The following TTBK2 variants were observed in gnomAD, a reference collection of about 807,000 sequenced individuals.
The protein encoded by TTBK2 is tau-tubulin kinase 2.
In TTBK2, 28 loss-of-function variants were observed where a neutral mutation model predicts 110.8. That is an observed-to-expected ratio of 0.25 (90% CI 0.19 to 0.35). The LOEUF (loss-of-function observed/expected upper bound fraction) is 0.35, where lower values mean the gene tolerates loss of function less well. Among genes scored for constraint, TTBK2 ranks in the 10% least tolerant of loss-of-function variants. The pLI is 1.00. For synonymous variants in TTBK2, 532 were observed against 527.3 expected, an observed-to-expected ratio of 1.01 and a Z score of -0.12; for missense variants, 1,369 against 1,500.3, an observed-to-expected ratio of 0.91 and a Z score of 1.45.
chr15:42,746,552 C>T (rs60807675), intron 14 of TTBK2, among the ~76,000 whole-genome samples: 5,017 of 152,232 alleles, frequency 0.033, 230 homozygotes, highest in East Asian at 0.13. Flanking sequence ...TATTCGTTCC[C>T]TTCCTCCTAT....
At chr15:42,783,661 G>A in intron 10 of TTBK2, 26 bp from the exon 11 acceptor site, 1 of 1,569,004 alleles carries the variant, frequency 6.4e-7, no homozygotes, top group South Asian at 1.1e-5. Context: ...GAAAAAAAAG[G>A]CAAGAATCAA....
rs1189956483 is a variant in TTBK2, at chr15:42,875,318, G to A, written c.70-2560C>T. ...ACAGAGGCAGTTTAGTATGATTGGG[G>A]TACACAGATTACAAGAAGAATAGAG... On this transcript the variant is annotated intron_variant, in intron 2 of 14. Transcript: ENST00000267890. 3.3e-5 allele frequency among the ~76,000 whole-genome samples: 5 copies of A among 152,140 alleles called. No individual in the cohort carries two copies. In the East Asian group the frequency reaches 7.7e-4, roughly 23 times the overall value.
chr15:42,800,935 C>T (rs1461597847), intron 9 of TTBK2: 2 of 719,876 alleles, frequency 2.8e-6, no homozygotes, highest in African/African-American at 1.7e-5. Flanking sequence ...TCTGCGGCAG[C>T]CGCAGGAGGG....
chr15:42,814,337 C>G (rs566002333), intron 7 of TTBK2, among the ~76,000 whole-genome samples: 1 of 152,076 alleles, frequency 6.6e-6, no homozygotes, highest in Non-Finnish European at 1.5e-5. Context: ...CCAGCACTTT[C>G]GGGGGCCAAG....
Position 42,744,530 on chromosome 15 carries a change from T to G in TTBK2, c.*1265A>C, listed in dbSNP as rs1393957808. ...GCCCATTTTAAAAGTCTGGTAGACT[T>G]TCATTTGCCTGATTCCTATTAGAAG... On this transcript the variant is annotated 3_prime_UTR_variant, in exon 15 of 15. Transcript: ENST00000267890. 6.6e-6 allele frequency: 1 copy of G among 152,188 alleles called. No individual in the cohort carries two copies. The highest frequency in any genetic ancestry group is 1.5e-5 in the Non-Finnish European group (1 of 68,024). 9.4% of individuals were successfully genotyped at this position (152,188 alleles called of 1,614,324 possible).
intron 6 of TTBK2, 110 bp downstream of exon 6, chr15:42,827,818 C>A: frequency 2.3e-6 from 2 of 879,952 alleles, no homozygotes; most frequent in South Asian, 3.1e-5. Context: ...GTATATGCCA[C>A]TTCTTAGATA....
chr15:42,755,836 CATG>C (rs1293550708), intron 13 of TTBK2, among the ~76,000 whole-genome samples: 1 of 152,024 alleles, frequency 6.6e-6, no homozygotes, highest in Non-Finnish European at 1.5e-5. Context: ...CAAAAGTGAC[CATG>C]ATAAGAAAAG....
chr15:42,873,419 G>C (rs1030225506), intron 2 of TTBK2, among the ~76,000 whole-genome samples: 5 of 152,014 alleles, frequency 3.3e-5, no homozygotes, highest in Non-Finnish European at 5.9e-5. Flanking sequence ...GGGTGACAGA[G>C]AGAGACTCCA....
intron 6 of TTBK2, among the ~76,000 whole-genome samples, chr15:42,818,162 A>T (rs1172538977): frequency 6.6e-6 from 1 of 152,120 alleles, no homozygotes; most frequent in Non-Finnish European, 1.5e-5. Flanking sequence ...AGCAGCCTCA[A>T]ATTCCTGGGC....
chr15:42,867,667 G>A (rs1894429272), intron 3 of TTBK2, among the ~76,000 whole-genome samples: 1 of 152,124 alleles, frequency 6.6e-6, no homozygotes, highest in African/African-American at 2.4e-5. Context: ...CCAAAATCCA[G>A]AACACTGACA....
chr15:42,878,636 T>C lies in TTBK2; in HGVS notation c.-19A>G, dbSNP rs768097843. On this transcript the variant is annotated 5_prime_UTR_variant, in exon 2 of 15. Transcript: ENST00000267890. ...CACTCATTGCAATACACTGATATGG[T>C]AGAACAGCTACACAGGCATCCAGTT... The C allele has an allele frequency of 8.1e-6, 13 of 1,613,756 alleles. No individual in the cohort carries two copies. The highest frequency in any genetic ancestry group is 2.7e-5 in the African/African-American group (2 of 74,952).
intron 1 of TTBK2, among the ~76,000 whole-genome samples, chr15:42,914,385 T>G (rs1162321815): frequency 6.6e-6 from 1 of 152,218 alleles, no homozygotes; most frequent in Non-Finnish European, 1.5e-5. Context: ...ACCGATAAGC[T>G]GCTGGACCCT....
chr15:42,809,857 T>C (rs1031618739), intron 9 of TTBK2, among the ~76,000 whole-genome samples: 6 of 152,252 alleles, frequency 3.9e-5, no homozygotes, highest in Non-Finnish European at 5.9e-5. Flanking sequence ...CTATAGATAC[T>C]TCTTAGTCTT....
intron 2 of TTBK2, among the ~76,000 whole-genome samples, chr15:42,876,038 G>A (rs572030231): frequency 9.9e-5 from 15 of 151,850 alleles, no homozygotes; most frequent in African/African-American, 2.4e-4. Flanking sequence ...TCAAGATACC[G>A]GACAAGTGAG....
intron 1 of TTBK2, among the ~76,000 whole-genome samples, chr15:42,911,006 T>G (rs1191862331): frequency 6.7e-6 from 1 of 148,620 alleles, no homozygotes; most frequent in East Asian, 2.0e-4. Context: ...ATTGTGCCAT[T>G]GCACTCCAGC....
At chr15:42,837,677 AAAAAG>A (rs896288303) in intron 4 of TTBK2, among the ~76,000 whole-genome samples, 4 of 151,380 alleles carry the variant, frequency 2.6e-5, no homozygotes, top group Non-Finnish European at 4.4e-5. Context: ...AAAAAAAAAA[AAAAAG>A]GTTCAGGGAT....
chr15:42,893,011 A>T (rs1895522374), intron 1 of TTBK2, among the ~76,000 whole-genome samples: 1 of 133,380 alleles, frequency 7.5e-6, no homozygotes, highest in Non-Finnish European at 1.6e-5. Flanking sequence ...ACTCTGTCTC[A>T]AAAAAAAAAA....
At chr15:42,823,890 G>T (rs1389912326) in intron 6 of TTBK2, among the ~76,000 whole-genome samples, 2 of 152,118 alleles carry the variant, frequency 1.3e-5, no homozygotes, top group Non-Finnish European at 2.9e-5. Context: ...ATAAAGAAGA[G>T]GTCTGTTTGG....
At chr15:42,917,882 T>C (rs1026101168) in intron 1 of TTBK2, among the ~76,000 whole-genome samples, 3 of 152,156 alleles carry the variant, frequency 2.0e-5, no homozygotes, top group African/African-American at 4.8e-5. Flanking sequence ...TACCCTCAAA[T>C]TGAAAACACT....
Sources: allele counts gnomAD v4.1 joint callset (sites outside exome capture counted in the v4.1 genomes callset), GRCh38; gene constraint gnomAD v4.1.1; transcripts MANE v1.5; gene names NCBI Gene and HGNC (gene_info 2026-07-23, HGNC 2026-07-21).